TECRL: variants seen among roughly 807,000 people sequenced by gnomAD.
TECRL encodes trans-2,3-enoyl-CoA reductase like.
A neutral mutation model predicts 52.8 loss-of-function variants in TECRL; 63 were observed. The observed-to-expected ratio is 1.19, with a 90% CI of 0.97 to 1.47. The LOEUF (loss-of-function observed/expected upper bound fraction) is 1.47. Among genes scored for constraint, TECRL ranks in the 40% most tolerant of loss-of-function variants. TECRL has a pLI of 0.00. For missense variants in TECRL, 482 were observed against 429.6 expected (o/e 1.12, Z -1.08); for synonymous variants, 164 against 141.9 (o/e 1.16, Z -1.10).
rs571082554 is a variant in TECRL at position 64,361,369 on chromosome 4, T to C, written c.286+13803A>G. Among the ~76,000 whole-genome samples the C allele has an allele frequency of 2.0e-5, 3 of 152,176 alleles. No homozygotes were observed. The South Asian group carries it at 6.2e-4, about 32-fold the overall frequency. ...GTACACGTGTGTGTATATCTACAGG[T>C]GTGCCCATATGCATGGACCGTCTGC... On this transcript the variant is annotated intron_variant, in intron 2 of 11. Transcript: ENST00000381210.
intron 9 of TECRL, among the ~76,000 whole-genome samples, chr4:64,286,466 C>A (rs1025425606): frequency 6.6e-6 from 1 of 151,800 alleles, no homozygotes; most frequent in Middle Eastern, 3.4e-3. Context: ...TACAGTGTAA[C>A]CCCCCTATAC....
intron 8 of TECRL, chr4:64,298,923 A>G (rs1723845426): frequency 6.6e-6 from 1 of 151,202 alleles, no homozygotes; most frequent in African/African-American, 2.4e-5. Flanking sequence ...ACATTAAATA[A>G]CGCTGTTACA....
At chr4:64,347,058 A>G (rs149675200) in intron 2 of TECRL, among the ~76,000 whole-genome samples, 1 of 152,286 alleles carries the variant, frequency 6.6e-6, no homozygotes, top group East Asian at 1.9e-4. Flanking sequence ...AAGGACAGGT[A>G]TCTCACAAGA....
intron 3 of TECRL, among the ~76,000 whole-genome samples, chr4:64,323,096 AT>A (rs1718019189): frequency 6.6e-6 from 1 of 152,032 alleles, no homozygotes; most frequent in Admixed American, 6.6e-5. Flanking sequence ...ACATACAGGA[AT>A]TTTTTTAAAG....
chr4:64,294,994 T>G (rs1407155562), intron 8 of TECRL, among the ~76,000 whole-genome samples: 1 of 151,852 alleles, frequency 6.6e-6, no homozygotes, highest in Non-Finnish European at 1.5e-5. Context: ...TCAGCATTCA[T>G]AAACATTTTA....
At chr4:64,283,115 G>T (rs765482597) in intron 9 of TECRL, among the ~76,000 whole-genome samples, 2 of 151,972 alleles carry the variant, frequency 1.3e-5, no homozygotes, top group Admixed American at 6.6e-5. Context: ...GATCAATATT[G>T]AAAATTGATT....
chr4:64,341,680 C>A (rs1289557990), intron 2 of TECRL, among the ~76,000 whole-genome samples: 3 of 152,092 alleles, frequency 2.0e-5, no homozygotes, highest in African/African-American at 7.2e-5. Flanking sequence ...AAGCTGCAGC[C>A]TTTCAGGGAG....
chr4:64,327,349 C>T (rs2110042127), intron 3 of TECRL, among the ~76,000 whole-genome samples: 1 of 152,180 alleles, frequency 6.6e-6, no homozygotes, highest in African/African-American at 2.4e-5. Flanking sequence ...ACTGAACTAA[C>T]AGAAATTTAT....
Position 64,277,924 on chromosome 4 carries a change from A to G in TECRL, c.*2148T>C, listed in dbSNP as rs2109915176. ...CACACACATGCACATAGGCTTTCAT[A>G]GAAGATAGGTATTTAAAGATGTAAA... On this transcript the variant is annotated 3_prime_UTR_variant, in exon 12 of 12. Coordinates refer to ENST00000381210, the MANE Select transcript of TECRL (RefSeq NM_001010874.5). 1 of 151,918 alleles carries G rather than the reference A, an allele frequency of 6.6e-6. No individual in the cohort carries two copies. Among genetic ancestry groups the G allele is most frequent in the East Asian group, 1.9e-4 (1 of 5,176 alleles). 9.4% of individuals were successfully genotyped at this position (151,918 alleles called of 1,614,324 possible). A position where few individuals can be genotyped will look rare whatever the true frequency, so the allele number is the denominator to read the frequency against.
chr4:64,366,650 C>T (rs1406117977), intron 2 of TECRL, among the ~76,000 whole-genome samples: 2 of 152,028 alleles, frequency 1.3e-5, no homozygotes, highest in African/African-American at 4.8e-5. Flanking sequence ...ATGAAAAAAG[C>T]TCAGTGTCAC....
chr4:64,322,479 A>G (rs1717970761), intron 4 of TECRL, among the ~76,000 whole-genome samples: 1 of 150,708 alleles, frequency 6.6e-6, no homozygotes, highest in South Asian at 2.1e-4. Context: ...AAAAAAAGGA[A>G]CTTATCTTCC....
chr4:64,345,932 C>CAAAAAAAAAAAAAAAAAAA (rs1719944644), intron 2 of TECRL, among the ~76,000 whole-genome samples: 1 of 12,548 alleles, frequency 8.0e-5, no homozygotes, highest in Non-Finnish European at 1.5e-4. Context: ...AAAAAAAAAA[C>CAAAAAAAAAAAAAAAAAAA]ATTTATCATA....
downstream of TECRL, chr4:64,276,727 T>C (rs935360475): frequency 3.0e-5 from 6 of 199,814 alleles, no homozygotes; most frequent in Non-Finnish European, 6.0e-5. Flanking sequence ...TATGTGAGAT[T>C]ATATAGATTT....
chr4:64,385,187 C>G (rs1390932729), intron 1 of TECRL, among the ~76,000 whole-genome samples: 1 of 152,090 alleles, frequency 6.6e-6, no homozygotes. Context: ...CCTGATAGTT[C>G]CCAGCTTATT....
chr4:64,297,270 C>T (rs1426569736), intron 8 of TECRL, among the ~76,000 whole-genome samples: 1 of 151,340 alleles, frequency 6.6e-6, no homozygotes, highest in African/African-American at 2.4e-5. Context: ...GAATTAACTA[C>T]AACTCTATTC....
rs1407822951 is a variant in TECRL, at chr4:64,278,599, ATTTCT to A, written c.*1468_*1472del. ...GTATCCATGGTTTCAAATATTTATC[ATTTCT>A]TTTTGTTGGGGACAAAATCTCCTTT... On this transcript the variant is annotated 3_prime_UTR_variant, in exon 12 of 12. Coordinates refer to ENST00000381210, the MANE Select transcript of TECRL (RefSeq NM_001010874.5). 1 of 154,566 alleles carries A rather than the reference ATTTCT, an allele frequency of 6.5e-6. No individual in the cohort carries two copies. The highest frequency in any genetic ancestry group is 1.4e-5 in the Non-Finnish European group (1 of 70,244). 9.6% of individuals were successfully genotyped at this position (154,566 alleles called of 1,614,324 possible).
At chr4:64,325,503 C>A (rs1049248847) in intron 3 of TECRL, among the ~76,000 whole-genome samples, 1 of 152,088 alleles carries the variant, frequency 6.6e-6, no homozygotes, top group African/African-American at 2.4e-5. Context: ...AGAATCAAGC[C>A]ATAATATGGC....
intron 2 of TECRL, among the ~76,000 whole-genome samples, chr4:64,370,156 G>T (rs1721882446): frequency 6.6e-6 from 1 of 151,740 alleles, no homozygotes; most frequent in African/African-American, 2.4e-5. Context: ...TGTTTTAAAG[G>T]TAGTTCAAAT....
chr4:64,398,855 C>A (rs115176901), intron 1 of TECRL, among the ~76,000 whole-genome samples: 4 of 152,046 alleles, frequency 2.6e-5, no homozygotes, highest in Non-Finnish European at 4.4e-5. Flanking sequence ...GATAATGATA[C>A]GGACAGTGAA....
Sources: allele counts gnomAD v4.1 joint callset (sites outside exome capture counted in the v4.1 genomes callset), GRCh38; gene constraint gnomAD v4.1.1; transcripts MANE v1.5; gene names NCBI Gene and HGNC (gene_info 2026-07-23, HGNC 2026-07-21).